CALN1: variants seen among roughly 807,000 people sequenced by gnomAD.
CALN1 encodes calcium-binding protein 8.
Under a neutral mutation model 30.6 loss-of-function variants are expected in CALN1, and 17 were observed. That is an observed-to-expected ratio of 0.56 (90% CI 0.38 to 0.83). The LOEUF (loss-of-function observed/expected upper bound fraction) is 0.83, where lower values mean the gene tolerates loss of function less well. Ranked by LOEUF, CALN1 falls within the 40% of genes least tolerant of loss-of-function variation. The probability of loss-of-function intolerance (pLI) is 0.00; values close to 1 mark genes in which losing one functional copy is unlikely to be tolerated. For missense variants in CALN1, 291 were observed against 354.9 expected (o/e 0.82, Z 1.45); for synonymous variants, 156 against 131.4 (o/e 1.19, Z -1.28).
rs1371703830 is a variant in CALN1, at chr7:71,780,541, T to C, written c.*7234A>G. ...CCGCTCAGCACTCAGCATCCCTCATTAGCCATTTAAAGGGCTGTCGCAGGT... is the reference window on the plus strand; with the variant it reads ...CCGCTCAGCACTCAGCATCCCTCATCAGCCATTTAAAGGGCTGTCGCAGGT... On this transcript the variant is annotated 3_prime_UTR_variant, in exon 7 of 7. Coordinates refer to ENST00000395275, the MANE Select transcript of CALN1 (RefSeq NM_031468.4). 2 of 152,110 alleles carry C rather than the reference T, an allele frequency of 1.3e-5. No homozygotes were observed. Among genetic ancestry groups the C allele is most frequent in the African/African-American group, 4.8e-5 (2 of 41,410 alleles). The allele number at this position is 152,110 out of a possible 1,614,324, so 9.4% of individuals were successfully genotyped here.
At chr7:72,078,885 C>T (rs1490675290) in intron 4 of CALN1, among the ~76,000 whole-genome samples, 1 of 152,068 alleles carries the variant, frequency 6.6e-6, no homozygotes, top group Non-Finnish European at 1.5e-5. Flanking sequence ...GCCGTGATCA[C>T]GCCATTGAAC....
intron 2 of CALN1, among the ~76,000 whole-genome samples, chr7:72,300,930 G>A (rs925627950): frequency 1.3e-5 from 2 of 152,086 alleles, no homozygotes; most frequent in Non-Finnish European, 1.5e-5. Flanking sequence ...GAGGTTGGAG[G>A]TTGCAGTGAG....
intron 1 of CALN1, among the ~76,000 whole-genome samples, chr7:72,410,191 G>A (rs534135749): frequency 6.6e-6 from 1 of 152,272 alleles, no homozygotes; most frequent in Admixed American, 6.5e-5. Flanking sequence ...GCTGGAACAT[G>A]AGAGCCTGGA....
intron 2 of CALN1, among the ~76,000 whole-genome samples, chr7:72,321,267 C>T (rs1800859251): frequency 6.6e-6 from 1 of 152,112 alleles, no homozygotes; most frequent in Non-Finnish European, 1.5e-5. Flanking sequence ...CCGTCCCTGT[C>T]GACACTGACA....
At chr7:72,462,342 G>A in the CALN1 span, among the ~76,000 whole-genome samples, 1 of 152,020 alleles carries the variant, frequency 6.6e-6, no homozygotes, top group Admixed American at 6.6e-5. Flanking sequence ...TGCACACCAT[G>A]CCCAGCTTAT....
intron 3 of CALN1, among the ~76,000 whole-genome samples, chr7:72,194,256 G>T (rs1217246994): frequency 6.6e-6 from 1 of 152,216 alleles, no homozygotes; most frequent in Non-Finnish European, 1.5e-5. Context: ...TCAGTGCAGT[G>T]TGGTAGCTCA....
intron 2 of CALN1, among the ~76,000 whole-genome samples, chr7:72,292,040 G>A (rs1419191654): frequency 6.6e-6 from 1 of 151,978 alleles, no homozygotes; most frequent in East Asian, 1.9e-4. Flanking sequence ...GACTTTTGGG[G>A]AAACACAAAC....
At chr7:72,090,628 C>T (rs1263187091) in intron 4 of CALN1, among the ~76,000 whole-genome samples, 1 of 152,134 alleles carries the variant, frequency 6.6e-6, no homozygotes, top group African/African-American at 2.4e-5. Flanking sequence ...TCTGCACTTT[C>T]GTGTTTACAA....
chr7:71,845,749 C>T (rs539654181), intron 5 of CALN1, among the ~76,000 whole-genome samples: 4 of 152,060 alleles, frequency 2.6e-5, no homozygotes, highest in Non-Finnish European at 4.4e-5. Flanking sequence ...TGGGATTTCC[C>T]GCTGGGTTAA....
At chr7:72,008,481 A>G (rs1799896651) in intron 5 of CALN1, among the ~76,000 whole-genome samples, 2 of 152,110 alleles carry the variant, frequency 1.3e-5, no homozygotes, top group South Asian at 4.2e-4. Context: ...ATAATAAATG[A>G]TCAGAACAAG....
chr7:72,129,368 A>C (rs570180039), intron 3 of CALN1, among the ~76,000 whole-genome samples: 8 of 152,156 alleles, frequency 5.3e-5, no homozygotes, highest in Non-Finnish European at 1.0e-4. Context: ...CCACCTCTAG[A>C]AATGTATTAT....
intron 3 of CALN1, among the ~76,000 whole-genome samples, chr7:72,186,347 C>T (rs980196408): frequency 7.1e-6 from 1 of 141,824 alleles, no homozygotes; most frequent in African/African-American, 2.5e-5. Context: ...CGTGCCCTCC[C>T]TCAGATAGGC....
At position 72,403,396 on chromosome 7, in the gene CALN1, G is replaced by T. The variant is rs775167016; in HGVS notation, c.-27C>A. 2 of 1,527,288 alleles carry T rather than the reference G, an allele frequency of 1.3e-6. No homozygotes were observed. The highest frequency in any genetic ancestry group is 1.4e-5 in the African/African-American group (1 of 72,590). 94.6% of individuals were successfully genotyped at this position (1,527,288 alleles called of 1,614,324 possible). On this transcript the variant is annotated 5_prime_UTR_variant, in exon 2 of 7. Coordinates refer to ENST00000395275, the MANE Select transcript of CALN1 (RefSeq NM_031468.4). Reference sequence around the variant, plus strand: ...GGGGGTCCAGGGCGATGTTCTCAGAGAGAGTTAGAAGCTCATCAAAGGAAC... The same window carrying T: ...GGGGGTCCAGGGCGATGTTCTCAGATAGAGTTAGAAGCTCATCAAAGGAAC...
At chr7:72,360,575 G>A (rs1394065828) in intron 2 of CALN1, among the ~76,000 whole-genome samples, 3 of 150,972 alleles carry the variant, frequency 2.0e-5, no homozygotes, top group Admixed American at 2.0e-4. Context: ...ATTAGATAGA[G>A]AAATAAATAC....
At chr7:71,969,930 T>A (rs1797714085) in intron 5 of CALN1, among the ~76,000 whole-genome samples, 1 of 151,794 alleles carries the variant, frequency 6.6e-6, no homozygotes, top group Admixed American at 6.6e-5. Context: ...GCTCAAGTGA[T>A]CCTCCCACCT....
At chr7:72,375,668 G>C (rs1804513930) in intron 2 of CALN1, among the ~76,000 whole-genome samples, 1 of 151,926 alleles carries the variant, frequency 6.6e-6, no homozygotes, top group African/African-American at 2.4e-5. Context: ...AACATTTTGA[G>C]ACAGTGTCTT....
chr7:71,838,683 G>A (rs1789760467), intron 5 of CALN1, among the ~76,000 whole-genome samples: 1 of 152,186 alleles, frequency 6.6e-6, no homozygotes, highest in African/African-American at 2.4e-5. Context: ...GGAGGTAATT[G>A]AATCATGGGG....
At chr7:71,914,918 T>C (rs1449996725) in intron 5 of CALN1, among the ~76,000 whole-genome samples, 2 of 152,114 alleles carry the variant, frequency 1.3e-5, no homozygotes, top group Non-Finnish European at 2.9e-5. Context: ...TAATATCCAG[T>C]ATATATAAGG....
At chr7:72,071,743 G>A (rs1031223153) in intron 4 of CALN1, among the ~76,000 whole-genome samples, 1 of 152,176 alleles carries the variant, frequency 6.6e-6, no homozygotes, top group Non-Finnish European at 1.5e-5. Flanking sequence ...AAACAGGAAA[G>A]TATGGTCCAT....
Sources: gnomAD v4.1 joint callset for allele counts (sites outside exome capture counted in the v4.1 genomes callset) on GRCh38, gnomAD v4.1.1 for gene constraint, MANE v1.5 for transcripts, NCBI Gene and HGNC (gene_info 2026-07-23, HGNC 2026-07-21) for gene names.